Variants in TRIM9 observed in about 807,000 individuals in gnomAD.
TRIM9 encodes the protein E3 ubiquitin-protein ligase TRIM9.
TRIM9 carries 26 observed loss-of-function variants against 78.3 expected under a neutral mutation model. The ratio of observed to expected loss-of-function variants is 0.33; its 90% CI spans 0.24 to 0.46. TRIM9 has a LOEUF of 0.46. Ranked by LOEUF, TRIM9 falls within the 20% of genes least tolerant of loss-of-function variation. The pLI is 1.00. For synonymous variants in TRIM9, 398 were observed against 416.5 expected (o/e 0.96, Z 0.54); for missense variants, 787 against 1,036.4 (o/e 0.76, Z 3.30).
intron 7 of TRIM9, among the ~76,000 whole-genome samples, chr14:50,988,121 C>A (rs187581020): frequency 2.9e-4 from 44 of 152,230 alleles, no homozygotes; most frequent in African/African-American, 9.9e-4. Context: ...TTTTTATTAA[C>A]AAGAATTTGC....
At chr14:51,012,681 C>T (rs1199198299) in intron 3 of TRIM9, among the ~76,000 whole-genome samples, 1 of 152,164 alleles carries the variant, frequency 6.6e-6, no homozygotes, top group Non-Finnish European at 1.5e-5. Flanking sequence ...CACAGCAATG[C>T]ACAAGGGTTC....
chr14:51,058,660 C>T (rs375570499), intron 1 of TRIM9, among the ~76,000 whole-genome samples: 2 of 152,234 alleles, frequency 1.3e-5, no homozygotes, highest in South Asian at 4.1e-4. Context: ...GCTGCCTAGA[C>T]CTCCAAGGAT....
chr14:51,000,593 A>T, intron 6 of TRIM9, 90 bp downstream of exon 6: 2 of 1,536,838 alleles, frequency 1.3e-6, no homozygotes, highest in Non-Finnish European at 1.8e-6. Context: ...CCCAGGAGAG[A>T]TGGGGAAGCC....
chr14:51,019,442 A>G (rs2057535933), intron 3 of TRIM9, among the ~76,000 whole-genome samples: 1 of 152,222 alleles, frequency 6.6e-6, no homozygotes, highest in Admixed American at 6.5e-5. Context: ...CCACATCTGC[A>G]TATGTCTCCA....
At chr14:51,006,320 T>A (rs1182731993) in intron 5 of TRIM9, among the ~76,000 whole-genome samples, 1 of 152,228 alleles carries the variant, frequency 6.6e-6, no homozygotes, top group African/African-American at 2.4e-5. Flanking sequence ...ACATATTTTT[T>A]ACTGACAAGT....
chr14:51,030,544 T>A (rs760591564), intron 1 of TRIM9, among the ~76,000 whole-genome samples: 1 of 151,986 alleles, frequency 6.6e-6, no homozygotes, highest in Non-Finnish European at 1.5e-5. Context: ...AAGCACACAG[T>A]ATAGGGACAA....
At chr14:51,008,182 GA>G (rs1288039456) in intron 5 of TRIM9, among the ~76,000 whole-genome samples, 4 of 152,132 alleles carry the variant, frequency 2.6e-5, no homozygotes, top group African/African-American at 9.7e-5. Context: ...GGGGTGGCAG[GA>G]GGGAGATCTT....
chr14:51,070,096 C>G (rs2140226080), intron 1 of TRIM9, among the ~76,000 whole-genome samples: 1 of 152,212 alleles, frequency 6.6e-6, no homozygotes, highest in African/African-American at 2.4e-5. Context: ...TCATGTTTTT[C>G]ATTTTGGTGC....
intron 1 of TRIM9, among the ~76,000 whole-genome samples, chr14:51,073,011 A>T (rs564941150): frequency 6.6e-6 from 1 of 152,106 alleles, no homozygotes; most frequent in Admixed American, 6.5e-5. Context: ...TTGGCAACTC[A>T]ATGGAAAAGT....
chr14:51,079,213 T>A (rs1021232586), intron 1 of TRIM9, among the ~76,000 whole-genome samples: 1 of 152,132 alleles, frequency 6.6e-6, no homozygotes. Context: ...AGCAGAGGAA[T>A]TTAGAGAGTG....
intron 7 of TRIM9, chr14:50,997,750 AG>A (rs1260179714): frequency 1.5e-6 from 2 of 1,322,416 alleles, no homozygotes; most frequent in African/African-American, 1.5e-5. Context: ...CTTACACACC[AG>A]GGGCACATTC....
intron 3 of TRIM9, 130 bp downstream of exon 3, chr14:51,022,705 C>T (rs1389043345): frequency 1.1e-5 from 16 of 1,418,794 alleles, no homozygotes; most frequent in Non-Finnish European, 1.5e-5. Flanking sequence ...TCTGGCCAGA[C>T]CACTGGCTAC....
Position 50,977,178 on chromosome 14 carries a change from C to A in TRIM9, c.*113G>T. 12 of 810,812 alleles carry A rather than the reference C, an allele frequency of 1.5e-5. No individual in the cohort carries two copies. Among genetic ancestry groups the A allele is most frequent in the Non-Finnish European group, 2.1e-5 (12 of 565,228 alleles). 50.2% of individuals were successfully genotyped at this position (810,812 alleles called of 1,614,324 possible). A position where few individuals can be genotyped will look rare whatever the true frequency, so the allele number is the denominator to read the frequency against. On this transcript the variant is annotated 3_prime_UTR_variant, in exon 13 of 13. Coordinates refer to ENST00000684578, the MANE Select transcript of TRIM9 (RefSeq NM_001387360.1). ...ACTGCAGAGGACCAGCTTTTCTCTC[C>A]TCCTTCTCCCACTCCTGCCAACTCT...
Position 50,983,425 on chromosome 14 carries a change from T to TAAAG in TRIM9, c.1793-8_1793-5dup. ...GATTGTGTCTCAAAATTGCATCCTA[T>TAAAG]AAAGAGATACTACACATCAACGCTA... On this transcript the variant is annotated splice_polypyrimidine_tract_variant and splice_region_variant and intron_variant, in intron 8 of 12. Transcript: ENST00000684578. 1 of 1,541,738 alleles carries TAAAG rather than the reference T, an allele frequency of 6.5e-7. No homozygotes were observed. The highest frequency in any genetic ancestry group is 8.8e-7 in the Non-Finnish European group (1 of 1,142,048).
chr14:51,014,937 C>G (rs2056995072), intron 3 of TRIM9, among the ~76,000 whole-genome samples: 1 of 152,182 alleles, frequency 6.6e-6, no homozygotes, highest in Non-Finnish European at 1.5e-5. Context: ...CCTAGGAGAA[C>G]AGTCTTCCTG....
At chr14:51,066,052 AGAAGGAAGGAAGGAAG>A (rs78448733) in intron 1 of TRIM9, among the ~76,000 whole-genome samples, 5 of 112,534 alleles carry the variant, frequency 4.4e-5, no homozygotes, top group African/African-American at 1.1e-4. Context: ...CATCTCTTTT[AGAAGGAAGGAAGGAAG>A]GAAGGAAGGA....
At chr14:51,007,591 T>A (rs2055986635) in intron 5 of TRIM9, among the ~76,000 whole-genome samples, 2 of 152,166 alleles carry the variant, frequency 1.3e-5, no homozygotes, top group Non-Finnish European at 2.9e-5. Flanking sequence ...AGTAACCCAG[T>A]CTTCCTGTGC....
At chr14:51,018,635 C>A (rs1398734909) in intron 3 of TRIM9, among the ~76,000 whole-genome samples, 1 of 152,164 alleles carries the variant, frequency 6.6e-6, no homozygotes, top group South Asian at 2.1e-4. Context: ...CAAAATCAAG[C>A]ATTCTACAGA....
chr14:50,995,983 C>T (rs2054166340), intron 7 of TRIM9: 1 of 466,998 alleles, frequency 2.1e-6, no homozygotes, highest in Non-Finnish European at 2.8e-6. Context: ...ATAAGCTATT[C>T]ACTATATTTT....
Sources: allele counts gnomAD v4.1 joint callset (sites outside exome capture counted in the v4.1 genomes callset), GRCh38; gene constraint gnomAD v4.1.1; transcripts MANE v1.5; gene names NCBI Gene and HGNC (gene_info 2026-07-23, HGNC 2026-07-21).